RBFOX1: variants seen among roughly 807,000 people sequenced by gnomAD.
The protein encoded by RBFOX1 is RNA binding protein fox-1 homolog 1.
RBFOX1 carries 8 observed loss-of-function variants against 57.7 expected under a neutral mutation model. That is an observed-to-expected ratio of 0.14 (90% confidence interval 0.08 to 0.25). The LOEUF is 0.25. Among genes scored for constraint, RBFOX1 ranks in the 10% least tolerant of loss-of-function variants. RBFOX1 has a pLI of 1.00. For synonymous variants in RBFOX1, 326 were observed against 222.4 expected, an observed-to-expected ratio of 1.47 and a Z score of -4.15; for missense variants, 611 against 548.5, an observed-to-expected ratio of 1.11 and a Z score of -1.14.
chr16:6,832,118 T>A (rs983618102), intron 3 of RBFOX1, among the ~76,000 whole-genome samples: 2 of 152,218 alleles, frequency 1.3e-5, no homozygotes, highest in African/African-American at 2.4e-5. Flanking sequence ...AGGATAAAAC[T>A]TTTTCCTGAT....
chr16:6,682,142 A>C (rs1457685029), intron 3 of RBFOX1, among the ~76,000 whole-genome samples: 1 of 152,194 alleles, frequency 6.6e-6, no homozygotes, highest in Non-Finnish European at 1.5e-5. Flanking sequence ...TGTGCCTTGA[A>C]TGTGTATTGT....
intron 1 of RBFOX1, among the ~76,000 whole-genome samples, chr16:6,154,034 AG>A (rs2152730209): frequency 6.6e-6 from 1 of 152,356 alleles, no homozygotes; most frequent in South Asian, 2.1e-4. Flanking sequence ...GTTCAAAATG[AG>A]GATAAGTCCA....
intron 3 of RBFOX1, among the ~76,000 whole-genome samples, chr16:6,662,154 T>A (rs1270353263): frequency 6.6e-6 from 1 of 151,484 alleles, no homozygotes; most frequent in Non-Finnish European, 1.5e-5. Flanking sequence ...AAAGGGAGGA[T>A]CTTGGTCAAA....
intron 8 of RBFOX1, 162 bp from the exon 9 acceptor site, chr16:7,597,209 A>C: frequency 2.0e-6 from 1 of 510,004 alleles, no homozygotes; most frequent in South Asian, 3.3e-5. Context: ...AATTTTAAAA[A>C]TGTATGATTT....
intron 2 of RBFOX1, among the ~76,000 whole-genome samples, chr16:6,494,365 C>G (rs186585245): frequency 2.0e-5 from 3 of 152,164 alleles, no homozygotes; most frequent in African/African-American, 7.2e-5. Context: ...ACAGCTATCT[C>G]TCGCGACCAC....
intron 4 of RBFOX1, among the ~76,000 whole-genome samples, chr16:7,474,064 G>A (rs958463975): frequency 1.1e-4 from 16 of 152,252 alleles, no homozygotes; most frequent in African/African-American, 2.9e-4. Context: ...TGAGGAGGGC[G>A]GATCACGAGG....
intron 3 of RBFOX1, among the ~76,000 whole-genome samples, chr16:6,963,441 C>T (rs1340808378): frequency 6.6e-6 from 1 of 152,142 alleles, no homozygotes; most frequent in East Asian, 1.9e-4. Flanking sequence ...TGGTTGGTGA[C>T]AACATAAGTT....
At chr16:5,724,630 A>G (rs888725470) in intron 3 of RBFOX1, among the ~76,000 whole-genome samples, 6 of 152,146 alleles carry the variant, frequency 3.9e-5, no homozygotes, top group African/African-American at 7.2e-5. Flanking sequence ...TAAGAATCCT[A>G]TCAGCATTGT....
At chr16:5,503,499 C>T (rs2043272078) in intron 2 of RBFOX1, among the ~76,000 whole-genome samples, 1 of 152,204 alleles carries the variant, frequency 6.6e-6, no homozygotes, top group Non-Finnish European at 1.5e-5. Flanking sequence ...TGCAGTGGCG[C>T]ATGGCGCAAT....
intron 1 of RBFOX1, among the ~76,000 whole-genome samples, chr16:6,026,583 G>A (rs1266593345): frequency 6.6e-6 from 1 of 152,256 alleles, no homozygotes; most frequent in Non-Finnish European, 1.5e-5. Context: ...AGCTCTTGCT[G>A]CATAGCTTGA....
At chr16:7,165,634 G>T (rs571117753) in intron 4 of RBFOX1, among the ~76,000 whole-genome samples, 1 of 151,634 alleles carries the variant, frequency 6.6e-6, no homozygotes, top group Admixed American at 6.6e-5. Flanking sequence ...TCTCCACGTT[G>T]GTCAGGCTGG....
chr16:5,540,215 C>G (rs375253616), intron 2 of RBFOX1, among the ~76,000 whole-genome samples: 1 of 152,134 alleles, frequency 6.6e-6, no homozygotes, highest in South Asian at 2.1e-4. Context: ...TTTGTTTATA[C>G]CTTTGAGCAT....
At chr16:7,003,586 A>G (rs142428899) in intron 3 of RBFOX1, among the ~76,000 whole-genome samples, 19 of 152,360 alleles carry the variant, frequency 1.2e-4, no homozygotes, top group African/African-American at 4.6e-4. Context: ...ACAAGGTATT[A>G]AAATACCTCT....
chr16:6,058,130 G>C (rs6500741), intron 1 of RBFOX1, among the ~76,000 whole-genome samples: 6 of 151,924 alleles, frequency 3.9e-5, no homozygotes, highest in East Asian at 1.9e-4. Context: ...TTTTGAGCAC[G>C]TGATGGGGTC....
chr16:6,649,663 G>A (rs945875237), intron 2 of RBFOX1, among the ~76,000 whole-genome samples: 10 of 152,110 alleles, frequency 6.6e-5, no homozygotes, highest in African/African-American at 2.2e-4. Flanking sequence ...ATGGTCTCCA[G>A]TTCCATCCAG....
chr16:6,549,068 C>G (rs1351404597), intron 2 of RBFOX1, among the ~76,000 whole-genome samples: 1 of 135,950 alleles, frequency 7.4e-6, no homozygotes, highest in Non-Finnish European at 1.5e-5. Context: ...GAGCAAGACT[C>G]TGTCCCCAAA....
At chr16:6,378,833 G>A (rs946195652) in intron 2 of RBFOX1, among the ~76,000 whole-genome samples, 3 of 152,082 alleles carry the variant, frequency 2.0e-5, no homozygotes, top group African/African-American at 7.2e-5. Flanking sequence ...ATCTTTAGGA[G>A]GATTACTCTT....
intron 2 of RBFOX1, among the ~76,000 whole-genome samples, chr16:5,515,205 C>T (rs1272431359): frequency 6.6e-6 from 1 of 152,256 alleles, no homozygotes; most frequent in Non-Finnish European, 1.5e-5. Context: ...AGAGGACAAA[C>T]ATCCAGATTG....
chr16:5,404,544 G>A (rs2066809728), intron 1 of RBFOX1, among the ~76,000 whole-genome samples: 1 of 152,190 alleles, frequency 6.6e-6, no homozygotes, highest in Non-Finnish European at 1.5e-5. Context: ...CTGGGCTGAG[G>A]ACAGAGGATA....
Sources: gnomAD v4.1 joint callset for allele counts (sites outside exome capture counted in the v4.1 genomes callset) on GRCh38, gnomAD v4.1.1 for gene constraint, MANE v1.5 for transcripts, NCBI Gene and HGNC (gene_info 2026-07-23, HGNC 2026-07-21) for gene names.